The following KLF12 variants were observed in gnomAD, a reference collection of about 807,000 sequenced individuals.
KLF12 encodes KLF transcription factor 12.
In KLF12, 9 loss-of-function variants were observed where a neutral mutation model predicts 37.8. That is an observed-to-expected ratio of 0.24 (90% CI 0.14 to 0.42). The LOEUF (loss-of-function observed/expected upper bound fraction) is 0.42, where lower values mean the gene tolerates loss of function less well. Among genes scored for constraint, KLF12 ranks in the 10% least tolerant of loss-of-function variants. KLF12 has a pLI of 1.00. For synonymous variants in KLF12, 208 were observed against 202.1 expected (o/e 1.03, Z -0.25); for missense variants, 411 against 516.0 (o/e 0.80, Z 1.97).
intron 1 of KLF12, among the ~76,000 whole-genome samples, chr13:74,008,269 A>T (rs1289994805): frequency 6.6e-6 from 1 of 152,216 alleles, no homozygotes; most frequent in Non-Finnish European, 1.5e-5. Flanking sequence ...TGTCCAGTAT[A>T]TGCATGAGTC....
At chr13:73,889,866 T>C (rs1887418411) in intron 3 of KLF12, among the ~76,000 whole-genome samples, 2 of 152,182 alleles carry the variant, frequency 1.3e-5, no homozygotes, top group East Asian at 1.9e-4. Flanking sequence ...TTCCAAACAG[T>C]AGGTGGTGAA....
chr13:73,825,486 C>T (rs1444956459), intron 4 of KLF12, among the ~76,000 whole-genome samples: 1 of 152,182 alleles, frequency 6.6e-6, no homozygotes, highest in Non-Finnish European at 1.5e-5. Context: ...CTCTGCTTTC[C>T]CAACTTTAAA....
At chr13:74,117,019 A>G (rs1462966142) in intron 1 of KLF12, among the ~76,000 whole-genome samples, 1 of 152,228 alleles carries the variant, frequency 6.6e-6, no homozygotes, top group Non-Finnish European at 1.5e-5. Flanking sequence ...ATTCCAGTCA[A>G]TTAGCCAAAA....
At chr13:73,707,051 C>A (rs971617531) in intron 7 of KLF12, among the ~76,000 whole-genome samples, 9 of 152,288 alleles carry the variant, frequency 5.9e-5, no homozygotes, top group Admixed American at 2.6e-4. Context: ...TGATGCTGAA[C>A]AGGTAGGTAC....
chr13:74,304,031 G>A, the KLF12 span, among the ~76,000 whole-genome samples: 1 of 151,964 alleles, frequency 6.6e-6, no homozygotes, highest in Non-Finnish European at 1.5e-5. Flanking sequence ...AGGCCTTTCC[G>A]AGGGCCCACT....
At chr13:73,953,054 C>G (rs1337695585) in intron 2 of KLF12, among the ~76,000 whole-genome samples, 2 of 152,138 alleles carry the variant, frequency 1.3e-5, no homozygotes, top group African/African-American at 4.8e-5. Context: ...AAAGATTTTT[C>G]TAGATTTTCC....
At chr13:74,030,962 A>G (rs954687221) in intron 1 of KLF12, among the ~76,000 whole-genome samples, 3 of 152,138 alleles carry the variant, frequency 2.0e-5, no homozygotes, top group Non-Finnish European at 4.4e-5. Flanking sequence ...GAAGATTATT[A>G]AAGTCTACTT....
intron 3 of KLF12, among the ~76,000 whole-genome samples, chr13:73,876,200 T>G (rs1485520627): frequency 6.7e-6 from 1 of 149,406 alleles, no homozygotes; most frequent in Non-Finnish European, 1.5e-5. Context: ...AATCTGGAGG[T>G]TCAACTAGCA....
At chr13:73,881,440 TCTG>T (rs1353401922) in intron 3 of KLF12, among the ~76,000 whole-genome samples, 4 of 152,186 alleles carry the variant, frequency 2.6e-5, no homozygotes, top group Non-Finnish European at 5.9e-5. Flanking sequence ...TAGTCAAAGA[TCTG>T]CTAACTTATA....
chr13:74,117,360 T>C (rs1238061504), intron 1 of KLF12, among the ~76,000 whole-genome samples: 1 of 152,082 alleles, frequency 6.6e-6, no homozygotes, highest in African/African-American at 2.4e-5. Flanking sequence ...CAAGAGCAAA[T>C]CTGAAAGTGG....
At position 73,978,862 on chromosome 13, in the gene KLF12, A is replaced by G. The variant is rs189709182; in HGVS notation, c.33+16128T>C. Among the ~76,000 whole-genome samples the G allele has an allele frequency of 2.6e-5, 4 of 152,364 alleles. No homozygotes were observed. In the East Asian group the frequency reaches 7.7e-4, roughly 29 times the overall value. The stretch of plus-strand genomic sequence containing the variant: ...GGAAATGTGTGCTATCAGTCATGAA[A>G]AGACATGAAGGAAACTTACATACAT... On this transcript the variant is annotated intron_variant, in intron 2 of 7. Transcript: ENST00000377669.
chr13:73,876,951 G>A (rs887423311), intron 3 of KLF12, among the ~76,000 whole-genome samples: 5 of 151,462 alleles, frequency 3.3e-5, no homozygotes, highest in Non-Finnish European at 7.4e-5. Flanking sequence ...GGAGGCAAAC[G>A]TTGCAGTGAG....
the KLF12 span, among the ~76,000 whole-genome samples, chr13:74,279,704 A>G: frequency 6.6e-6 from 1 of 152,174 alleles, no homozygotes; most frequent in Admixed American, 6.5e-5. Flanking sequence ...AACAAAAAAC[A>G]TGTGGTACAG....
chr13:73,849,841 C>T (rs903741811), intron 3 of KLF12, among the ~76,000 whole-genome samples: 3 of 152,050 alleles, frequency 2.0e-5, no homozygotes, highest in African/African-American at 7.2e-5. Context: ...TGATCTTTGC[C>T]TGGGAGTGGT....
At position 73,687,770 on chromosome 13, in the gene KLF12, CAAT is replaced by C. The variant is rs1873581418; in HGVS notation, c.*7717_*7719del. On this transcript the variant is annotated 3_prime_UTR_variant, in exon 8 of 8. Coordinates refer to ENST00000377669, the MANE Select transcript of KLF12 (RefSeq NM_007249.5). ...GATGAACCTGCTTTGGAAGAAGATG[CAAT>C]AATTCACACAAGGAGTCCATTCATT... is the stretch of plus-strand genomic sequence containing the variant. The C allele has an allele frequency of 6.6e-6, 1 of 152,152 alleles. No homozygotes were observed. Among genetic ancestry groups the C allele is most frequent in the Non-Finnish European group, 1.5e-5 (1 of 68,034 alleles). The allele number at this position is 152,152 out of a possible 1,614,324, so 9.4% of individuals were successfully genotyped here.
chr13:73,703,459 CA>C (rs1237757886), intron 7 of KLF12, among the ~76,000 whole-genome samples: 3 of 152,044 alleles, frequency 2.0e-5, no homozygotes, highest in Admixed American at 6.6e-5. Flanking sequence ...TCAATTCAAT[CA>C]AATAAGTAAT....
chr13:73,691,801 C>T lies in KLF12; in HGVS notation c.*3689G>A, dbSNP rs1457243351. Reference sequence around the variant, plus strand: ...ATTCTAATGAACTGATTCCAAAGTGCAGAATTATGTTTAAAACACAGATGG... The same window carrying T: ...ATTCTAATGAACTGATTCCAAAGTGTAGAATTATGTTTAAAACACAGATGG... On this transcript the variant is annotated 3_prime_UTR_variant, in exon 8 of 8. Coordinates refer to ENST00000377669, the MANE Select transcript of KLF12 (RefSeq NM_007249.5). The T allele has an allele frequency of 6.6e-6, 1 of 152,480 alleles. No homozygotes were observed. Among genetic ancestry groups the T allele is most frequent in the African/African-American group, 2.4e-5 (1 of 41,402 alleles). The allele number at this position is 152,480 out of a possible 1,614,324, so 9.4% of individuals were successfully genotyped here. A position where few individuals can be genotyped will look rare whatever the true frequency, so the allele number is the denominator to read the frequency against.
At chr13:73,994,732 T>C (rs1012671123) in intron 2 of KLF12, among the ~76,000 whole-genome samples, 3 of 152,212 alleles carry the variant, frequency 2.0e-5, no homozygotes, top group Non-Finnish European at 2.9e-5. Flanking sequence ...CATCTGAAAG[T>C]TGATTCTTAA....
chr13:74,234,803 A>G, the KLF12 span, among the ~76,000 whole-genome samples: 1 of 151,848 alleles, frequency 6.6e-6, no homozygotes, highest in Non-Finnish European at 1.5e-5. Flanking sequence ...GCTGAAGACC[A>G]TTATATGTAT....
Sources: gnomAD v4.1 joint callset for allele counts (sites outside exome capture counted in the v4.1 genomes callset) on GRCh38, gnomAD v4.1.1 for gene constraint, MANE v1.5 for transcripts, NCBI Gene and HGNC (gene_info 2026-07-23, HGNC 2026-07-21) for gene names.